FAT4: variants seen among roughly 807,000 people sequenced by gnomAD.
The protein encoded by FAT4 is protocadherin Fat 4.
A neutral mutation model predicts 303.9 loss-of-function variants in FAT4; 84 were observed. That is an observed-to-expected ratio of 0.28 (90% confidence interval 0.23 to 0.33). The LOEUF (loss-of-function observed/expected upper bound fraction) is 0.33, where lower values mean the gene tolerates loss of function less well. Ranked by LOEUF, FAT4 falls within the 10% of genes least tolerant of loss-of-function variation. The pLI is 1.00. For missense variants in FAT4, 6,005 were observed against 6,146.8 expected (o/e 0.98, Z 0.77); for synonymous variants, 2,307 against 2,298.8 (o/e 1.00, Z -0.10).
At chr4:125,381,384 G>A (rs1463283303) in intron 2 of FAT4, among the ~76,000 whole-genome samples, 1 of 152,072 alleles carries the variant, frequency 6.6e-6, no homozygotes, top group East Asian at 1.9e-4. Context: ...TTTAGTTCTA[G>A]ACAACTGCAA....
chr4:125,320,423 A>C lies in FAT4; in HGVS notation c.4012A>C (p.Thr1338Pro). The change falls in exon 2 of 18, where the codon ACT becomes CCT. Residue 1338 changes from threonine to proline, a missense_variant. Transcript: ENST00000394329. Reference protein sequence around the residue: ...MRIGELVSSVTATDSDSGDNA... With the variant: ...MRIGELVSSVPATDSDSGDNA... ...AATTGGTGAACTCGTGTCCTCTGTTACTGCAACTGATTCCGATTCAGGTGA... is the reference window on the plus strand; with the variant it reads ...AATTGGTGAACTCGTGTCCTCTGTTCCTGCAACTGATTCCGATTCAGGTGA... The C allele has an allele frequency of 1.2e-6, 2 of 1,613,952 alleles. No homozygotes were observed. The highest frequency in any genetic ancestry group is 2.2e-5 in the South Asian group (2 of 91,080).
intron 2 of FAT4, among the ~76,000 whole-genome samples, chr4:125,351,890 C>G (rs773445821): frequency 1.3e-5 from 2 of 151,570 alleles, no homozygotes; most frequent in African/African-American, 2.4e-5. Flanking sequence ...ACACTTCCAA[C>G]TCAGAACAAA....
At position 125,452,265 on chromosome 4, in the gene FAT4, T is replaced by C. The variant is rs915915955; in HGVS notation, c.11255T>C (p.Leu3752Pro). 2 of 1,614,098 alleles carry C rather than the reference T, an allele frequency of 1.2e-6. No homozygotes were observed. Among genetic ancestry groups the C allele is most frequent in the African/African-American group, 1.3e-5 (1 of 74,948 alleles). ...QLTGLGTAVQ[L>P]YSAYEENNRT... is the part of the protein sequence containing the mutation. ...ACAGGCTTAGGGACTGCTGTGCAAC[T>C]GTACAGTGCATATGAAGAGAACAAT... Residue 3752 changes from leucine to proline, a missense_variant, in exon 10 of 18, where the codon CTG becomes CCG. Coordinates refer to ENST00000394329, the MANE Select transcript of FAT4 (RefSeq NM_001291303.3).
intron 2 of FAT4, among the ~76,000 whole-genome samples, chr4:125,383,420 C>A (rs540375619): frequency 6.6e-6 from 1 of 152,070 alleles, no homozygotes; most frequent in Non-Finnish European, 1.5e-5. Context: ...GGACTCTGAA[C>A]ACACACAATA....
Position 125,318,243 on chromosome 4 carries a change from A to G in FAT4, c.1832A>G (p.Asp611Gly). 6.2e-7 allele frequency: 1 copy of G among 1,614,204 alleles called. No homozygotes were observed. Among genetic ancestry groups the G allele is most frequent in the Non-Finnish European group, 8.5e-7 (1 of 1,180,042 alleles). ...TTGATGCTCAGGGCAACTGACGGGG[A>G]CCTGGGTGACAACGGAACAGTGCGC... Reference protein sequence around the residue: ...ELLMLRATDGDLGDNGTVRFS... With the variant: ...ELLMLRATDGGLGDNGTVRFS... Residue 611 changes from aspartate to glycine, a missense_variant, in exon 2 of 18, where the codon GAC becomes GGC. Physicochemically the swap from Asp to Gly is moderately conservative, Grantham distance 94 (BLOSUM62 -1). Transcript: ENST00000394329.
chr4:125,449,777 A>T lies in FAT4; in HGVS notation c.8767A>T (p.Asn2923Tyr). 1 of 1,613,814 alleles carries T rather than the reference A, an allele frequency of 6.2e-7. No individual in the cohort carries two copies. Among genetic ancestry groups the T allele is most frequent in the Non-Finnish European group, 8.5e-7 (1 of 1,179,878 alleles). ...ATCCCAATCAGAATATTTCAGGATT[A>T]ATGCCACCACTGGAGAGATTTTCAA... ...IKSQSEYFRI[N>Y]ATTGEIFNKQ... The change falls in exon 10 of 18, where the codon AAT becomes TAT. Residue 2923 changes from asparagine to tyrosine, a missense_variant. Coordinates refer to ENST00000394329, the MANE Select transcript of FAT4 (RefSeq NM_001291303.3).
chr4:125,344,006 G>T (rs534563015), intron 2 of FAT4, among the ~76,000 whole-genome samples: 3 of 152,080 alleles, frequency 2.0e-5, no homozygotes, highest in Non-Finnish European at 4.4e-5. Context: ...TTGAGCAGGA[G>T]GAGTGTATTA....
At chr4:125,382,718 C>T (rs1313953543) in intron 2 of FAT4, among the ~76,000 whole-genome samples, 1 of 152,208 alleles carries the variant, frequency 6.6e-6, no homozygotes, top group Non-Finnish European at 1.5e-5. Context: ...TTGATTTCTC[C>T]TCTATAGCTA....
chr4:125,450,790 T>C lies in FAT4; in HGVS notation c.9780T>C (p.Phe3260=). 6.2e-7 allele frequency: 1 copy of C among 1,614,148 alleles called. No individual in the cohort carries two copies. Among genetic ancestry groups the C allele is most frequent in the African/African-American group, 1.3e-5 (1 of 75,058 alleles). ...GVITTQGFLD[F]ETKQSYHLTV... ...TAACCACTCAAGGCTTCTTGGATTT[T>C]GAAACCAAGCAGAGCTACCATCTTA... The change falls in exon 10 of 18, where the codon TTT becomes TTC. Residue 3260 remains phenylalanine (F), a synonymous_variant. Transcript: ENST00000394329.
chr4:125,485,424 T>C (rs1727374633), intron 16 of FAT4, among the ~76,000 whole-genome samples: 1 of 152,156 alleles, frequency 6.6e-6, no homozygotes, highest in Non-Finnish European at 1.5e-5. Flanking sequence ...TTTCATTTTA[T>C]TTTTACTTTT....
chr4:125,380,469 G>C (rs1013028859), intron 2 of FAT4, among the ~76,000 whole-genome samples: 1 of 152,132 alleles, frequency 6.6e-6, no homozygotes, highest in East Asian at 1.9e-4. Context: ...TTTTACATAT[G>C]TAATCCATAC....
intron 2 of FAT4, among the ~76,000 whole-genome samples, chr4:125,366,924 C>G (rs890631924): frequency 1.3e-5 from 2 of 151,852 alleles, no homozygotes; most frequent in Non-Finnish European, 2.9e-5. Flanking sequence ...TGTTCATGTC[C>G]TTTGCCCACT....
intron 7 of FAT4, among the ~76,000 whole-genome samples, chr4:125,422,574 C>A (rs1392308708): frequency 6.6e-6 from 1 of 152,186 alleles, no homozygotes; most frequent in East Asian, 1.9e-4. Flanking sequence ...GCTTCCCCCT[C>A]CGCTGTGATT....
rs772537061 is a variant in FAT4, at chr4:125,320,694, C to T, written c.4283C>T (p.Ser1428Phe). 1.4e-5 allele frequency: 23 copies of T among 1,613,860 alleles called. No homozygotes were observed. In the Admixed American group the frequency reaches 3.5e-4, roughly 25 times the overall value. The change falls in exon 2 of 18, where the codon TCT (serine) becomes TTT (phenylalanine). Residue 1428 changes from serine to phenylalanine, a missense_variant. Transcript: ENST00000394329. The part of the protein sequence containing the change: ...PSFPPGDIFK[S>F]IVENIPIGTS... ...TTTCCTCCTGGAGATATTTTCAAGT[C>T]TATTGTTGAGAACATTCCCATCGGT...
In FAT4 at chr4:125,315,665, G is replaced by A. The variant is rs1257893989; in HGVS notation, c.-325G>A. Among the ~76,000 whole-genome samples the A allele has an allele frequency of 6.6e-6, 1 of 152,186 alleles. No homozygotes were observed. Among genetic ancestry groups the A allele is most frequent in the East Asian group, 1.9e-4 (1 of 5,148 alleles). On this transcript the variant is annotated 5_prime_UTR_variant, in exon 1 of 18. Transcript: ENST00000394329. ...AAGCCGCAACAGGGGCGGCGGCGGCGGCGGCTGCAGGAGGGGAAGGGGCAG... is the reference window on the plus strand; with the variant it reads ...AAGCCGCAACAGGGGCGGCGGCGGCAGCGGCTGCAGGAGGGGAAGGGGCAG...
intron 7 of FAT4, among the ~76,000 whole-genome samples, chr4:125,428,569 C>T (rs1475542637): frequency 1.3e-5 from 2 of 152,182 alleles, no homozygotes; most frequent in African/African-American, 4.8e-5. Context: ...TTAAGATATG[C>T]CATTCAGAAT....
rs1213814030 is a variant in FAT4 at position 125,318,860 on chromosome 4, G to T, written c.2449G>T (p.Ala817Ser). The T allele has an allele frequency of 6.2e-7, 1 of 1,614,144 alleles. No homozygotes were observed. The highest frequency in any genetic ancestry group is 8.5e-7 in the Non-Finnish European group (1 of 1,180,034). ...GGGATATCATGTGGGTAGTGTGTCT[G>T]CATCCACCATGGATCTCAATTCCAA... ...ALGYHVGSVS[A>S]STMDLNSNIS... Residue 817 changes from alanine (A) to serine (S), a missense_variant, in exon 2 of 18, where the codon GCA (alanine) becomes TCA (serine). Physicochemically the swap from Ala to Ser is moderately conservative, Grantham distance 99. Coordinates refer to ENST00000394329, the MANE Select transcript of FAT4 (RefSeq NM_001291303.3).
Position 125,448,713 on chromosome 4 carries a change from A to T in FAT4, c.7703A>T (p.Lys2568Ile). 4 of 1,613,942 alleles carry T rather than the reference A, an allele frequency of 2.5e-6. No homozygotes were observed. The highest frequency in any genetic ancestry group is 3.4e-6 in the Non-Finnish European group (4 of 1,179,902). ...VRFVNKADFP[K>I]VRAKEQTFMF... is the part of the protein sequence containing the mutation. ...TTCGTGAATAAGGCCGATTTCCCTA[A>T]AGTGAGAGCCAAAGAACAAACGTTC... Residue 2568 changes from lysine to isoleucine, a missense_variant, in exon 10 of 18, where the codon AAA becomes ATA. By Grantham distance (102) the Lys-to-Ile change is moderately radical (BLOSUM62 -3). Coordinates refer to ENST00000394329, the MANE Select transcript of FAT4 (RefSeq NM_001291303.3).
chr4:125,374,878 A>G (rs1733255085), intron 2 of FAT4, among the ~76,000 whole-genome samples: 1 of 152,226 alleles, frequency 6.6e-6, no homozygotes, highest in South Asian at 2.1e-4. Context: ...CAAGTAAATG[A>G]TAAAAAGAGC....
Sources: gnomAD v4.1 joint callset for allele counts (sites outside exome capture counted in the v4.1 genomes callset) on GRCh38, gnomAD v4.1.1 for gene constraint, MANE v1.5 for transcripts, NCBI Gene and HGNC (gene_info 2026-07-23, HGNC 2026-07-21) for gene names.